The following KAT14 variants were observed in gnomAD, a reference collection of about 807,000 sequenced individuals.
KAT14 encodes lysine acetyltransferase 14, also known as cysteine-rich protein 2-binding protein.
In KAT14, 66 loss-of-function variants were observed where a neutral mutation model predicts 78.4. The observed-to-expected ratio is 0.84, with a 90% CI of 0.69 to 1.03. KAT14 has a LOEUF of 1.03. Among genes scored for constraint, KAT14 ranks in the 50% least tolerant of loss-of-function variants. KAT14 has a pLI of 0.00. For synonymous variants in KAT14, 344 were observed against 359.4 expected, an observed-to-expected ratio of 0.96 and a Z score of 0.48; for missense variants, 870 against 972.5, an observed-to-expected ratio of 0.89 and a Z score of 1.40.
Position 18,145,276 on chromosome 20 carries a change from T to C in KAT14, c.303T>C (p.Phe101=). 1 of 1,614,186 alleles carries C rather than the reference T, an allele frequency of 6.2e-7. No homozygotes were observed. Among genetic ancestry groups the C allele is most frequent in the South Asian group, 1.1e-5 (1 of 91,086 alleles). Residue 101 remains phenylalanine (F), a synonymous_variant, in exon 3 of 11, where the codon TTT becomes TTC. Coordinates refer to ENST00000688188, the MANE Select transcript of KAT14 (RefSeq NM_001392073.1). ...TCAGTTACCTTAAGGGTGATAATTT[T>C]TTTAGGTTTACTTGTTCGGATTGCT... is the stretch of plus-strand genomic sequence containing the variant. ...EQLSYLKGDN[F]FRFTCSDCSA... is the part of the protein sequence containing the mutation.
At chr20:18,184,555 T>A in intron 9 of KAT14, 47 bp from the exon 10 acceptor site, 2 of 1,551,420 alleles carry the variant, frequency 1.3e-6, no homozygotes, top group Non-Finnish European at 1.7e-6. Flanking sequence ...TGTTCCTTAA[T>A]TCTCAAAGGC....
chr20:18,142,562 A>T lies in KAT14; in HGVS notation c.-99A>T. ...AGTGTGGGCAGACACTTTTTGGAAGAGTCTGTCTGGGTGATCCTGGTAGAA... is the reference window on the plus strand; with the variant it reads ...AGTGTGGGCAGACACTTTTTGGAAGTGTCTGTCTGGGTGATCCTGGTAGAA... On this transcript the variant is annotated 5_prime_UTR_variant, in exon 2 of 11. Transcript: ENST00000688188. The T allele has an allele frequency of 6.5e-7, 1 of 1,536,026 alleles. No homozygotes were observed. The highest frequency in any genetic ancestry group is 8.8e-7 in the Non-Finnish European group (1 of 1,140,158).
Position 18,184,774 on chromosome 20 carries a change from G to A in KAT14, c.2154G>A (p.Met718Ile), listed in dbSNP as rs749665553. Reference protein sequence around the residue: ...EWRRAGIATFMIYHLIQTCMG... With the variant: ...EWRRAGIATFIIYHLIQTCMG... ...GAAGAGCAGGGATTGCAACTTTCATGATCTATCATCTGATTCAGGTAAGTT... is the reference window on the plus strand; with the variant it reads ...GAAGAGCAGGGATTGCAACTTTCATAATCTATCATCTGATTCAGGTAAGTT... Residue 718 changes from methionine to isoleucine, a missense_variant, in exon 10 of 11, where the codon ATG (methionine) becomes ATA (isoleucine). Transcript: ENST00000688188. The A allele has an allele frequency of 3.7e-6, 6 of 1,607,602 alleles. No individual in the cohort carries two copies. The highest frequency in any genetic ancestry group is 4.5e-5 in the East Asian group (2 of 44,612).
intron 1 of KAT14, among the ~76,000 whole-genome samples, chr20:18,140,833 A>AAC (rs1309567953): frequency 1.3e-5 from 2 of 149,490 alleles, no homozygotes; most frequent in African/African-American, 4.9e-5. Context: ...AAAAAAAAAA[A>AAC]AAACCAATAA....
chr20:18,170,164 A>G (rs1326480990), intron 7 of KAT14, among the ~76,000 whole-genome samples: 3 of 152,260 alleles, frequency 2.0e-5, no homozygotes, highest in Admixed American at 6.5e-5. Flanking sequence ...CACGTTATCT[A>G]GAAGACCTAG....
intron 9 of KAT14, chr20:18,183,568 T>C (rs1047766241): frequency 3.1e-6 from 3 of 980,230 alleles, no homozygotes; most frequent in African/African-American, 3.5e-5. Flanking sequence ...CTTCTGCATA[T>C]GTTTAGATAC....
intron 1 of KAT14, among the ~76,000 whole-genome samples, chr20:18,141,990 TAAG>T (rs535118802): frequency 1.3e-3 from 205 of 152,312 alleles, no homozygotes; most frequent in African/African-American, 4.4e-3. Context: ...TAAAATATGA[TAAG>T]AAATCATTTC....
At chr20:18,150,166 G>A (rs910992644) in intron 3 of KAT14, among the ~76,000 whole-genome samples, 12 of 152,096 alleles carry the variant, frequency 7.9e-5, no homozygotes, top group East Asian at 3.9e-4. Context: ...GTCTTGGAGC[G>A]CTCTGAAAAT....
At chr20:18,184,356 G>A (rs985211062) in intron 9 of KAT14, among the ~76,000 whole-genome samples, 1 of 152,056 alleles carries the variant, frequency 6.6e-6, no homozygotes, top group Non-Finnish European at 1.5e-5. Context: ...TTCTGAACCC[G>A]TGCACTGCTA....
intron 7 of KAT14, among the ~76,000 whole-genome samples, chr20:18,179,081 A>T (rs549136688): frequency 1.3e-5 from 2 of 152,142 alleles, no homozygotes; most frequent in East Asian, 3.9e-4. Flanking sequence ...ATCTCCTTTG[A>T]CTCCTTATCT....
rs2037654521 is a variant in KAT14, at chr20:18,143,140, G to A, written c.259+221G>A. On this transcript the variant is annotated intron_variant, in intron 2 of 10. Transcript: ENST00000688188. ...CATTGTTAAATTAACACTTTTGGTG[G>A]TAACTCAATAAAATTGAGAAAATTG... 5 of 1,272,322 alleles carry A rather than the reference G, an allele frequency of 3.9e-6. No homozygotes were observed. The South Asian group carries it at 1.0e-4, about 25-fold the overall frequency. The allele number at this position is 1,272,322 out of a possible 1,614,324, so 78.8% of individuals were successfully genotyped here.
At position 18,156,752 on chromosome 20, in the gene KAT14, A is replaced by G. The variant is rs549849228; in HGVS notation, c.501-2332A>G. On this transcript the variant is annotated intron_variant, in intron 4 of 10. Transcript: ENST00000688188. ...TGACGTTCTCCCTGTGTCTTCATGC[A>G]TCTTCCCTCTCTACACGTCTGTCTC... 2.2e-4 allele frequency among the ~76,000 whole-genome samples: 34 copies of G among 152,192 alleles called. No homozygotes were observed. The South Asian group carries it at 7.1e-3, about 32-fold the overall frequency.
At chr20:18,174,763 A>G (rs2038972701) in intron 7 of KAT14, among the ~76,000 whole-genome samples, 1 of 151,224 alleles carries the variant, frequency 6.6e-6, no homozygotes, top group Non-Finnish European at 1.5e-5. Context: ...TCCTGGGTTC[A>G]AGCAGTTCTC....
chr20:18,137,910 CGCCTCGGGCGGGCGGGAGAGAGAG>C lies in KAT14; in HGVS notation c.-591_-568del. On this transcript the variant is annotated 5_prime_UTR_variant, in exon 1 of 11. Transcript: ENST00000688188. ...GGTGCGCACTCTGCGGCGGCCTCTG[CGCCTCGGGCGGGCGGGAGAGAGAG>C]GCCGCGGCCGCCAGCGTGGGGATGT... is the stretch of plus-strand genomic sequence containing the variant. 1 of 1,454,358 alleles carries C rather than the reference CGCCTCGGGCGGGCGGGAGAGAGAG, an allele frequency of 6.9e-7. No individual in the cohort carries two copies. The highest frequency in any genetic ancestry group is 9.0e-7 in the Non-Finnish European group (1 of 1,109,704). 90.1% of individuals were successfully genotyped at this position (1,454,358 alleles called of 1,614,324 possible).
In KAT14 at chr20:18,137,886, G is replaced by T; in HGVS notation, c.-619G>T. The T allele has an allele frequency of 7.1e-7, 1 of 1,407,340 alleles. No homozygotes were observed. The allele number at this position is 1,407,340 out of a possible 1,614,324, so 87.2% of individuals were successfully genotyped here. On this transcript the variant is annotated 5_prime_UTR_variant, in exon 1 of 11. Transcript: ENST00000688188. ...TCGAGCCTGGGCAGTACAGGCGGCG[G>T]TGCGCACTCTGCGGCGGCCTCTGCG...
At chr20:18,148,603 A>ATTTTTTTTT (rs978610988) in intron 3 of KAT14, among the ~76,000 whole-genome samples, 1 of 142,870 alleles carries the variant, frequency 7.0e-6, no homozygotes. Context: ...ACTGGGGTTC[A>ATTTTTTTTT]TTTTTTTTTG....
rs887160724 is a variant in KAT14, at chr20:18,137,865, G to T, written c.-640G>T. ...TGGGGCTCTGCGCTCGAGGGGTCGA[G>T]CCTGGGCAGTACAGGCGGCGGTGCG... On this transcript the variant is annotated 5_prime_UTR_variant, in exon 1 of 11. Transcript: ENST00000688188. 5.3e-6 allele frequency: 7 copies of T among 1,318,350 alleles called. No homozygotes were observed. In the South Asian group the frequency reaches 6.4e-5, roughly 12 times the overall value. The allele number at this position is 1,318,350 out of a possible 1,614,324, so 81.7% of individuals were successfully genotyped here. A position where few individuals can be genotyped will look rare whatever the true frequency, so the allele number is the denominator to read the frequency against.
At chr20:18,137,253 C>T (rs2037336403), upstream of KAT14, among the ~76,000 whole-genome samples, 1 of 151,950 alleles carries the variant, frequency 6.6e-6, no homozygotes, top group African/African-American at 2.4e-5. Flanking sequence ...CGCGCCACTG[C>T]ACTCCAGCCT....
At chr20:18,144,108 T>C (rs1363821639) in intron 2 of KAT14, among the ~76,000 whole-genome samples, 8 of 152,262 alleles carry the variant, frequency 5.3e-5, no homozygotes, top group South Asian at 2.1e-4. Flanking sequence ...GAAATACATA[T>C]ATAACTGTGA....
Sources: allele counts gnomAD v4.1 joint callset (sites outside exome capture counted in the v4.1 genomes callset), GRCh38; gene constraint gnomAD v4.1.1; transcripts MANE v1.5; gene names NCBI Gene and HGNC (gene_info 2026-07-23, HGNC 2026-07-21).